GALNT9: variants seen among roughly 807,000 people sequenced by gnomAD.
The protein encoded by GALNT9 is polypeptide N-acetylgalactosaminyltransferase 9, also known as GalNAc transferase 9.
In GALNT9, 47 loss-of-function variants were observed where a neutral mutation model predicts 63.1. The observed-to-expected ratio is 0.75, with a 90% CI of 0.59 to 0.95. The LOEUF is 0.95. Ranked by LOEUF, GALNT9 falls within the 40% of genes least tolerant of loss-of-function variation. The probability of loss-of-function intolerance (pLI) is 0.00; values close to 1 mark genes in which losing one functional copy is unlikely to be tolerated. For missense variants in GALNT9, 829 were observed against 874.8 expected, an observed-to-expected ratio of 0.95 and a Z score of 0.66; for synonymous variants, 396 against 365.7, an observed-to-expected ratio of 1.08 and a Z score of -0.94.
At chr12:132,318,698 G>A (rs1350344754) in intron 1 of GALNT9, among the ~76,000 whole-genome samples, 1 of 152,216 alleles carries the variant, frequency 6.6e-6, no homozygotes, top group Non-Finnish European at 1.5e-5. Flanking sequence ...CAGCGTTGAT[G>A]CACAGTGCAC....
At position 132,328,997 on chromosome 12, in the gene GALNT9, G is replaced by A; in HGVS notation, c.207C>T (p.His69=). ...GCTGGTTGTAGACCACCTCCTCCAG[G>A]TGGTCCAGGCGCTGCAGGATGGCCT... ...DREAILQRLD[H]LEEVVYNQLN... Residue 69 remains histidine (H), a synonymous_variant, in exon 1 of 11, where the codon CAC becomes CAT. Coordinates refer to ENST00000328957, the MANE Select transcript of GALNT9 (RefSeq NM_001122636.2). The A allele has an allele frequency of 6.5e-7, 1 of 1,541,256 alleles. No homozygotes were observed. The highest frequency in any genetic ancestry group is 8.7e-7 in the Non-Finnish European group (1 of 1,144,678).
chr12:132,314,894 G>A (rs887237528), intron 1 of GALNT9, among the ~76,000 whole-genome samples: 6 of 152,218 alleles, frequency 3.9e-5, no homozygotes, highest in Non-Finnish European at 5.9e-5. Context: ...GGTGGACCTC[G>A]GGTGGCGGAA....
chr12:132,249,193 G>A (rs370426338), intron 5 of GALNT9, among the ~76,000 whole-genome samples: 1 of 152,364 alleles, frequency 6.6e-6, no homozygotes, highest in East Asian at 1.9e-4. Context: ...TGTCCGTGGA[G>A]AGCTTCATTT....
intron 7 of GALNT9, 75 bp downstream of exon 7, chr12:132,203,430 T>A: frequency 6.8e-7 from 1 of 1,470,088 alleles, no homozygotes; most frequent in Non-Finnish European, 9.3e-7. Context: ...GGGGCCTCCC[T>A]CCGGCCCAGC....
intron 1 of GALNT9, among the ~76,000 whole-genome samples, chr12:132,321,291 A>T (rs1555246126): frequency 6.6e-6 from 1 of 151,714 alleles, no homozygotes; most frequent in East Asian, 2.0e-4. Context: ...GCCATGGTAC[A>T]CCAGCTGCTC....
At chr12:132,320,369 C>T (rs1305288207) in intron 1 of GALNT9, among the ~76,000 whole-genome samples, 4 of 152,252 alleles carry the variant, frequency 2.6e-5, no homozygotes, top group Non-Finnish European at 5.9e-5. Context: ...CCACGAGGCA[C>T]AGACGCCCCC....
intron 2 of GALNT9, among the ~76,000 whole-genome samples, chr12:132,272,076 C>T (rs571488401): frequency 5.3e-5 from 8 of 152,312 alleles, no homozygotes; most frequent in African/African-American, 1.2e-4. Flanking sequence ...CGTCACGCCC[C>T]GCCCGGCTCC....
rs757088254 is a variant in GALNT9, at chr12:132,197,273, A to C, written c.1666-20T>G. The C allele has an allele frequency of 6.2e-7, 1 of 1,608,076 alleles. No homozygotes were observed. Among genetic ancestry groups the C allele is most frequent in the Admixed American group, 1.7e-5 (1 of 59,864 alleles). ...GCCACTCTGTGGGGACAGGCACATCAAGTCAGCCAGGTGCAGGCGTCCTTG... is the reference window on the plus strand; with the variant it reads ...GCCACTCTGTGGGGACAGGCACATCCAGTCAGCCAGGTGCAGGCGTCCTTG... On this transcript the variant is annotated intron_variant, in intron 10 of 10. Coordinates refer to ENST00000328957, the MANE Select transcript of GALNT9 (RefSeq NM_001122636.2).
intron 7 of GALNT9, 144 bp from the exon 8 acceptor site, chr12:132,201,405 C>CGGCCCCATCCA (rs1565982190): frequency 7.2e-6 from 4 of 557,214 alleles, no homozygotes; most frequent in Non-Finnish European, 1.3e-5. Flanking sequence ...AGGCCCCATC[C>CGGCCCCATCCA]AGTTGGGACC....
intron 1 of GALNT9, among the ~76,000 whole-genome samples, chr12:132,314,076 C>T (rs1593122289): frequency 1.1e-5 from 1 of 87,918 alleles, no homozygotes; most frequent in Non-Finnish European, 2.5e-5. Context: ...CACCCACCCA[C>T]CCATACATCC....
At chr12:132,221,909 GAAT>G (rs963824405) in intron 6 of GALNT9, among the ~76,000 whole-genome samples, 28 of 152,064 alleles carry the variant, frequency 1.8e-4, no homozygotes, top group South Asian at 8.3e-4. Flanking sequence ...AAAAGCAAGA[GAAT>G]AATAGTCAAG....
intron 2 of GALNT9, chr12:132,284,002 C>T (rs1458537194): frequency 6.6e-6 from 1 of 152,270 alleles, no homozygotes; most frequent in Non-Finnish European, 1.5e-5. Flanking sequence ...AGCAGTGGGG[C>T]TAGCCCTGAG....
chr12:132,209,684 C>T (rs995172717), intron 6 of GALNT9, among the ~76,000 whole-genome samples: 2 of 152,160 alleles, frequency 1.3e-5, no homozygotes, highest in African/African-American at 4.8e-5. Context: ...GACACTCCCC[C>T]CAGCACCAAG....
chr12:132,200,776 A>G (rs1479257952), intron 8 of GALNT9: 2 of 247,682 alleles, frequency 8.1e-6, no homozygotes, highest in Non-Finnish European at 1.5e-5. Flanking sequence ...GCGTAGGTAC[A>G]TTGAATCAGG....
chr12:132,248,302 G>GTA (rs1878791572), intron 5 of GALNT9, among the ~76,000 whole-genome samples: 1 of 152,206 alleles, frequency 6.6e-6, no homozygotes, highest in South Asian at 2.1e-4. Context: ...TCAGCTTAGT[G>GTA]TAGGAGGTTT....
At position 132,279,597 on chromosome 12, in the gene GALNT9, C is replaced by G. The variant is rs950619948; in HGVS notation, c.419+6653G>C. 6.6e-6 allele frequency: 1 copy of G among 152,450 alleles called. No individual in the cohort carries two copies. The highest frequency in any genetic ancestry group is 1.9e-4 in the East Asian group (1 of 5,198). 9.4% of individuals were successfully genotyped at this position (152,450 alleles called of 1,614,324 possible). On this transcript the variant is annotated intron_variant, in intron 2 of 10. Transcript: ENST00000328957. The surrounding 1 kb of genome is among the most constrained non-coding windows in gnomAD (Gnocchi z 4.1). Reference sequence around the variant, plus strand: ...GAAGGAGTGAGGGGCATCCCCTGTCCCCTCCCCACAGTCTTGGCAGTGGTT... The same window carrying G: ...GAAGGAGTGAGGGGCATCCCCTGTCGCCTCCCCACAGTCTTGGCAGTGGTT...
intron 1 of GALNT9, among the ~76,000 whole-genome samples, chr12:132,292,138 G>A (rs1395813439): frequency 4.6e-5 from 7 of 151,982 alleles, no homozygotes; most frequent in Non-Finnish European, 1.0e-4. Flanking sequence ...TTTCCTCCCT[G>A]CCTCATTTTC....
chr12:132,307,071 C>G (rs144211654), intron 1 of GALNT9, among the ~76,000 whole-genome samples: 1 of 152,120 alleles, frequency 6.6e-6, no homozygotes, highest in Non-Finnish European at 1.5e-5. Context: ...CACCTCCTCT[C>G]GATGGACCCT....
At chr12:132,233,145 C>G (rs1285779494) in intron 6 of GALNT9, among the ~76,000 whole-genome samples, 1 of 60,466 alleles carries the variant, frequency 1.7e-5, no homozygotes, top group Non-Finnish European at 3.0e-5. Context: ...CTCCATGGGG[C>G]GACAGGAGAC....
Sources: allele counts gnomAD v4.1 joint callset (sites outside exome capture counted in the v4.1 genomes callset), GRCh38; gene constraint gnomAD v4.1.1; non-coding constraint Gnocchi (gnomAD v3.1); transcripts MANE v1.5; gene names NCBI Gene and HGNC (gene_info 2026-07-23, HGNC 2026-07-21).